Variants in GSTZ1 observed in about 807,000 individuals in gnomAD.
GSTZ1 encodes the protein glutathione S-transferase zeta 1.
In GSTZ1, 34 loss-of-function variants were observed where a neutral mutation model predicts 35.9. The observed-to-expected ratio is 0.95, with a 90% confidence interval of 0.72 to 1.26. The LOEUF (loss-of-function observed/expected upper bound fraction) is 1.26. Among genes scored for constraint, GSTZ1 ranks in the 50% most tolerant of loss-of-function variants. The pLI is 0.00. For missense variants in GSTZ1, 263 were observed against 271.7 expected (o/e 0.97, Z 0.23); for synonymous variants, 93 against 101.2 (o/e 0.92, Z 0.49).
chr14:77,323,438 C>T (rs947949456), intron 1 of GSTZ1: 2 of 152,156 alleles, frequency 1.3e-5, no homozygotes, highest in African/African-American at 4.8e-5. Context: ...CCTCCGCCTC[C>T]TGGGTTCAAG....
At chr14:77,328,849 G>T in intron 5 of GSTZ1, 1 of 513,704 alleles carries the variant, frequency 1.9e-6, no homozygotes, top group Non-Finnish European at 3.5e-6. Context: ...GCCGCGTCCT[G>T]TGTCACATGA....
chr14:77,328,120 G>A (rs998900655), intron 5 of GSTZ1, 83 bp downstream of exon 5: 3 of 1,443,450 alleles, frequency 2.1e-6, no homozygotes, highest in Non-Finnish European at 2.9e-6. Flanking sequence ...CCAGTGTGGG[G>A]GCGGGGGTGT....
At position 77,331,370 on chromosome 14, in the gene GSTZ1, G is replaced by C; in HGVS notation, c.*175G>C. The C allele has an allele frequency of 5.8e-6, 4 of 695,034 alleles. No homozygotes were observed. The highest frequency in any genetic ancestry group is 9.3e-6 in the Non-Finnish European group (4 of 430,458). 43.1% of individuals were successfully genotyped at this position (695,034 alleles called of 1,614,324 possible). A position where few individuals can be genotyped will look rare whatever the true frequency, so the allele number is the denominator to read the frequency against. ...GTCCCCTCATCTGTCACACGCATGTGGGGTGGAGTAGGGAGATGCGGGGAG... is the reference window on the plus strand; with the variant it reads ...GTCCCCTCATCTGTCACACGCATGTCGGGTGGAGTAGGGAGATGCGGGGAG... On this transcript the variant is annotated 3_prime_UTR_variant, in exon 9 of 9. Coordinates refer to ENST00000216465, the MANE Select transcript of GSTZ1 (RefSeq NM_145870.3).
chr14:77,328,864 G>C (rs1892468059), intron 5 of GSTZ1: 9 of 548,086 alleles, frequency 1.6e-5, no homozygotes, highest in Non-Finnish European at 2.6e-5. Flanking sequence ...ACATGAATAG[G>C]GATTCTTGCA....
intron 8 of GSTZ1, 94 bp downstream of exon 8, chr14:77,330,453 G>A (rs953785735): frequency 5.3e-5 from 54 of 1,018,556 alleles, no homozygotes; most frequent in Non-Finnish European, 6.1e-5. Flanking sequence ...CAGACGCTTC[G>A]CCAACCAGCC....
At position 77,331,113 on chromosome 14, in the gene GSTZ1, A is replaced by G. The variant is rs1348251709; in HGVS notation, c.569A>G (p.Asn190Ser). The change falls in exon 9 of 9, where the codon AAC becomes AGC. Residue 190 changes from asparagine (N) to serine (S), a missense_variant. Coordinates refer to ENST00000216465, the MANE Select transcript of GSTZ1 (RefSeq NM_145870.3). ...LTPYPTISSI[N>S]KRLLVLEAFQ... The stretch of plus-strand genomic sequence containing the variant: ...CCCTACCCTACCATCAGCTCCATCA[A>G]CAAGAGGCTGCTGGTCTTGGAGGCC... 1.2e-6 allele frequency: 2 copies of G among 1,613,716 alleles called. No individual in the cohort carries two copies. Among genetic ancestry groups the G allele is most frequent in the African/African-American group, 2.7e-5 (2 of 74,886 alleles).
chr14:77,327,004 C>T (rs1892353770), intron 3 of GSTZ1, 99 bp downstream of exon 3: 1 of 837,420 alleles, frequency 1.2e-6, no homozygotes, highest in Non-Finnish European at 2.0e-6. Context: ...AGAAGTGAAC[C>T]TGTGTCTTGT....
At chr14:77,327,320 C>G in intron 3 of GSTZ1, 152 bp from the exon 4 acceptor site, 3 of 636,424 alleles carry the variant, frequency 4.7e-6, no homozygotes, top group Non-Finnish European at 8.6e-6. Flanking sequence ...CTGCATGGAT[C>G]CCCCAGGGAT....
intron 2 of GSTZ1, 140 bp from the exon 3 acceptor site, chr14:77,326,698 G>A (rs914371277): frequency 6.4e-6 from 4 of 621,462 alleles, no homozygotes; most frequent in Non-Finnish European, 8.7e-6. Flanking sequence ...AGGGGATAGT[G>A]CCACGGTGAG....
In GSTZ1 at chr14:77,321,182, A is replaced by C. The variant is rs1566668154; in HGVS notation, c.14A>C (p.Lys5Thr). 2.0e-6 allele frequency: 3 copies of C among 1,469,674 alleles called. No individual in the cohort carries two copies. Among genetic ancestry groups the C allele is most frequent in the Non-Finnish European group, 2.7e-6 (3 of 1,103,582 alleles). 91.0% of individuals were successfully genotyped at this position (1,469,674 alleles called of 1,614,324 possible). A position where few individuals can be genotyped will look rare whatever the true frequency, so the allele number is the denominator to read the frequency against. The part of the protein sequence containing the change: MQAG[K>T]PILYSYFRSS... ...GCGAAGTGCCAGATGCAGGCGGGGA[A>C]GGTCTGTGACGCGCACCCGGGTGGA... Residue 5 changes from lysine (K) to threonine (T), a missense_variant and splice_region_variant, in exon 1 of 9, where the codon AAG becomes ACG. By Grantham distance (78) the Lys-to-Thr change is moderately conservative (BLOSUM62 -1). Coordinates refer to ENST00000216465, the MANE Select transcript of GSTZ1 (RefSeq NM_145870.3).
At chr14:77,329,916 G>C (rs1221321901) in intron 7 of GSTZ1, 109 bp downstream of exon 7, 2 of 825,794 alleles carry the variant, frequency 2.4e-6, no homozygotes, top group Non-Finnish European at 4.2e-6. Flanking sequence ...GGGGATCTCT[G>C]TGCCATGGGG....
chr14:77,331,361 C>T lies in GSTZ1; in HGVS notation c.*166C>T, dbSNP rs889720513. Reference sequence around the variant, plus strand: ...TCCACCTCAGTCCCCTCATCTGTCACACGCATGTGGGGTGGAGTAGGGAGA... The same window carrying T: ...TCCACCTCAGTCCCCTCATCTGTCATACGCATGTGGGGTGGAGTAGGGAGA... On this transcript the variant is annotated 3_prime_UTR_variant, in exon 9 of 9. Coordinates refer to ENST00000216465, the MANE Select transcript of GSTZ1 (RefSeq NM_145870.3). The T allele has an allele frequency of 1.3e-6, 1 of 745,048 alleles. No homozygotes were observed. Among genetic ancestry groups the T allele is most frequent in the Non-Finnish European group, 2.1e-6 (1 of 472,772 alleles). The allele number at this position is 745,048 out of a possible 1,614,324, so 46.2% of individuals were successfully genotyped here. A position where few individuals can be genotyped will look rare whatever the true frequency, so the allele number is the denominator to read the frequency against.
In GSTZ1 at chr14:77,329,810, A is replaced by T; in HGVS notation, c.474+3A>T. The T allele has an allele frequency of 6.2e-7, 1 of 1,611,938 alleles. No individual in the cohort carries two copies. The highest frequency in any genetic ancestry group is 8.5e-7 in the Non-Finnish European group (1 of 1,177,980). On this transcript the variant is annotated splice_donor_region_variant and intron_variant, in intron 7 of 8. Transcript: ENST00000216465. ...GCATATACTGTGTAGGAGACGAGGT[A>T]AGCTGTCCCCAGACCTCCCCAGGCC...
At chr14:77,326,620 G>C (rs1892326835) in intron 2 of GSTZ1, 2 of 535,362 alleles carry the variant, frequency 3.7e-6, no homozygotes, top group African/African-American at 3.8e-5. Flanking sequence ...TAAGAGTTCA[G>C]GGGTGAGTGA....
chr14:77,322,740 C>T (rs1892090416), intron 1 of GSTZ1: 14 of 984,524 alleles, frequency 1.4e-5, no homozygotes, highest in Admixed American at 6.1e-5. Flanking sequence ...AAGGTACCTT[C>T]AGGACAGGCT....
At chr14:77,324,415 G>A (rs905068259) in intron 1 of GSTZ1, 21 of 627,154 alleles carry the variant, frequency 3.3e-5, no homozygotes, top group Non-Finnish European at 5.5e-5. Flanking sequence ...CGAAGTGCTG[G>A]GATTACAGGC....
intron 2 of GSTZ1, 57 bp downstream of exon 2, chr14:77,324,978 A>C: frequency 6.9e-7 from 1 of 1,438,862 alleles, no homozygotes; most frequent in Non-Finnish European, 9.8e-7. Flanking sequence ...TGGGGCGGAT[A>C]AGCCCGGGTG....
intron 1 of GSTZ1, chr14:77,324,347 A>G (rs1892190344): frequency 3.9e-6 from 2 of 518,822 alleles, no homozygotes; most frequent in Non-Finnish European, 7.0e-6. Flanking sequence ...GGGTTTCACC[A>G]TGTTGGCCAG....
At chr14:77,324,956 A>T (rs1594821560) in intron 2 of GSTZ1, 35 bp downstream of exon 2, 1 of 1,575,806 alleles carries the variant, frequency 6.3e-7, no homozygotes, top group Non-Finnish European at 8.7e-7. Flanking sequence ...TGAGTGCTGG[A>T]GTGGGGTGGA....
Sources: allele counts gnomAD v4.1 joint callset, GRCh38; gene constraint gnomAD v4.1.1; transcripts MANE v1.5; gene names NCBI Gene and HGNC (gene_info 2026-07-23, HGNC 2026-07-21).